ZNF614: variants seen among roughly 807,000 people sequenced by gnomAD.
ZNF614 encodes zinc finger protein 614.
A neutral mutation model predicts 12.8 loss-of-function variants in ZNF614; 11 were observed. That is an observed-to-expected ratio of 0.86 (90% confidence interval 0.54 to 1.43). ZNF614 has a LOEUF of 1.43. ZNF614 is among the 40% of genes most tolerant of loss of function. The pLI is 0.00. For missense variants in ZNF614, 664 were observed against 708.8 expected (o/e 0.94, Z 0.72); for synonymous variants, 237 against 237.5 (o/e 1.00, Z 0.02).
Position 52,016,744 on chromosome 19 carries a change from T to C in ZNF614, c.854A>G (p.Lys285Arg), listed in dbSNP as rs769012763. ...TCCACACTCACTGCACATATAGGATTTCTCTTCTGTATGGGTTTGTTGATG... is the reference window on the plus strand; with the variant it reads ...TCCACACTCACTGCACATATAGGATCTCTCTTCTGTATGGGTTTGTTGATG... ...ITHQQTHTEE[K>R]SYMCSECGKG... The change falls in exon 5 of 5, where the codon AAA (lysine) becomes AGA (arginine). Residue 285 changes from lysine (K) to arginine (R), a missense_variant. Transcript: ENST00000270649. 16 of 1,614,068 alleles carry C rather than the reference T, an allele frequency of 9.9e-6. No individual in the cohort carries two copies. Among genetic ancestry groups the C allele is most frequent in the Middle Eastern group, 1.6e-4 (1 of 6,084 alleles).
intron 2 of ZNF614, among the ~76,000 whole-genome samples, chr19:52,021,747 A>T (rs2086934318): frequency 6.6e-6 from 1 of 152,112 alleles, no homozygotes; most frequent in Non-Finnish European, 1.5e-5. Flanking sequence ...AGAAAAAAAA[A>T]AAAGGAATAA....
rs1223373659 is a variant in ZNF614, at chr19:52,016,012, T to G, written c.1586A>C (p.His529Pro). Residue 529 changes from histidine (H) to proline (P), a missense_variant, in exon 5 of 5, where the codon CAT becomes CCT. Transcript: ENST00000270649. ...AFTTKSVLNV[H>P]QRTHTGERPY... ...CCTCTCTCCTGTATGCGTTCTTTGA[T>G]GTACATTGAGTACTGACTTTGTGGT... 1.2e-6 allele frequency: 2 copies of G among 1,614,126 alleles called. No homozygotes were observed. The highest frequency in any genetic ancestry group is 1.7e-6 in the Non-Finnish European group (2 of 1,180,050).
At chr19:52,019,527 A>G (rs1317117096) in intron 2 of ZNF614, among the ~76,000 whole-genome samples, 1 of 152,236 alleles carries the variant, frequency 6.6e-6, no homozygotes, top group Non-Finnish European at 1.5e-5. Context: ...TGAAACTACC[A>G]TACATCAAAT....
chr19:52,017,284 T>C lies in ZNF614; in HGVS notation c.314A>G (p.Asn105Ser), dbSNP rs767072261. ...AATATTTCTAAGTGTATTCTGTCCA[T>C]TGCATTGCTGCACGCTCTTCAGAAG... ...QRLLKSVQQC[N>S]GQNTLRNIVH... Residue 105 changes from asparagine (N) to serine (S), a missense_variant, in exon 5 of 5, where the codon AAT becomes AGT. Physicochemically the swap from Asn to Ser is conservative, Grantham distance 46. Transcript: ENST00000270649. The C allele has an allele frequency of 2.2e-5, 36 of 1,613,966 alleles. No homozygotes were observed. The highest frequency in any genetic ancestry group is 6.7e-5 in the East Asian group (3 of 44,890).
At chr19:52,017,650 G>A (rs566158774) in intron 4 of ZNF614, 9 of 367,000 alleles carry the variant, frequency 2.5e-5, no homozygotes, top group Admixed American at 8.7e-5. Context: ...GCAGCAAGCC[G>A]AGATTGGGCC....
chr19:52,022,967 C>T (rs1195814010), intron 2 of ZNF614, among the ~76,000 whole-genome samples: 2 of 150,940 alleles, frequency 1.3e-5, no homozygotes, highest in Non-Finnish European at 2.9e-5. Context: ...GTAGTCCCAG[C>T]TACTCAGGAG....
At chr19:52,022,547 TAA>T (rs1262079690) in intron 2 of ZNF614, among the ~76,000 whole-genome samples, 1 of 151,174 alleles carries the variant, frequency 6.6e-6, no homozygotes, top group Non-Finnish European at 1.5e-5. Flanking sequence ...TTTTCGACAT[TAA>T]AGTTTACTTT....
rs1386929873 is a variant in ZNF614, at chr19:52,016,890, T to C, written c.708A>G (p.Gln236=). The C allele has an allele frequency of 3.1e-6, 5 of 1,614,042 alleles. No individual in the cohort carries two copies. Among genetic ancestry groups the C allele is most frequent in the Middle Eastern group, 1.6e-4 (1 of 6,084 alleles). The change falls in exon 5 of 5, where the codon CAA becomes CAG. Residue 236 remains glutamine (Q), a synonymous_variant. Transcript: ENST00000270649. ...ICIQENPGSG[Q]CEKLSRSVLF... is the part of the protein sequence containing the mutation. ...GGACACTTCTGGATAATTTCTCACA[T>C]TGACCACTTCCAGGATTCTCTTGTA...
intron 2 of ZNF614, among the ~76,000 whole-genome samples, chr19:52,021,558 G>A (rs1221733853): frequency 6.6e-6 from 1 of 152,052 alleles, no homozygotes. Context: ...GCAACATAGT[G>A]AGACTCTGTC....
Position 52,017,294 on chromosome 19 carries a change from G to T in ZNF614, c.304C>A (p.Gln102Lys). 1 of 1,613,596 alleles carries T rather than the reference G, an allele frequency of 6.2e-7. No individual in the cohort carries two copies. The highest frequency in any genetic ancestry group is 1.1e-5 in the South Asian group (1 of 91,054). ...AGTGTATTCTGTCCATTGCATTGCTGCACGCTCTTCAGAAGTCTTTGGTTT... is the reference window on the plus strand; with the variant it reads ...AGTGTATTCTGTCCATTGCATTGCTTCACGCTCTTCAGAAGTCTTTGGTTT... ...SPNQRLLKSV[Q>K]QCNGQNTLRN... The change falls in exon 5 of 5, where the codon CAG (glutamine) becomes AAG (lysine). Residue 102 changes from glutamine (Q) to lysine (K), a missense_variant. By Grantham distance (53) the Gln-to-Lys change is moderately conservative. Coordinates refer to ENST00000270649, the MANE Select transcript of ZNF614 (RefSeq NM_025040.4).
Position 52,013,625 on chromosome 19 carries a change from ATTTTAT to A in ZNF614, c.*2209_*2214del, listed in dbSNP as rs892274138. 1.3e-5 allele frequency: 2 copies of A among 152,190 alleles called. No individual in the cohort carries two copies. The highest frequency in any genetic ancestry group is 2.9e-5 in the Non-Finnish European group (2 of 68,052). 9.4% of individuals were successfully genotyped at this position (152,190 alleles called of 1,614,324 possible). A position where few individuals can be genotyped will look rare whatever the true frequency, so the allele number is the denominator to read the frequency against. ...TTTATAAAAACCATTTACAAAAACA[ATTTTAT>A]TTTTATCATATTCATGAAATGATGA... On this transcript the variant is annotated 3_prime_UTR_variant, in exon 5 of 5. Transcript: ENST00000270649.
rs1463136245 is a variant in ZNF614 at position 52,015,724 on chromosome 19, A to G, written c.*116T>C. 2.3e-5 allele frequency: 23 copies of G among 980,132 alleles called. No individual in the cohort carries two copies. In the East Asian group the frequency reaches 5.5e-4, roughly 24 times the overall value. 60.7% of individuals were successfully genotyped at this position (980,132 alleles called of 1,614,324 possible). ...GACAGACACACATCTGTCAACAGGC[A>G]GCACCATGTTTATGTTCCAATTGGC... is the stretch of plus-strand genomic sequence containing the variant. On this transcript the variant is annotated 3_prime_UTR_variant, in exon 5 of 5. Transcript: ENST00000270649.
At chr19:52,023,973 A>C (rs1034464713) in intron 2 of ZNF614, among the ~76,000 whole-genome samples, 4 of 152,192 alleles carry the variant, frequency 2.6e-5, no homozygotes, top group African/African-American at 9.6e-5. Flanking sequence ...TACCACCAAT[A>C]GTTAATGAAT....
chr19:52,018,386 T>A lies in ZNF614; in HGVS notation c.124A>T (p.Asn42Tyr). The A allele has an allele frequency of 6.2e-7, 1 of 1,614,086 alleles. No individual in the cohort carries two copies. Among genetic ancestry groups the A allele is most frequent in the Non-Finnish European group, 8.5e-7 (1 of 1,180,012 alleles). ...LYRDVMVENY[N>Y]HLVSLGYQTS... ...TTCTTACCCAGTGATACTAGGTGGT[T>A]ATAGTTCTCCACCATCACATCCCGG... Residue 42 changes from asparagine to tyrosine, a missense_variant, in exon 3 of 5, where the codon AAC (asparagine) becomes TAC (tyrosine). Physicochemically the swap from Asn to Tyr is moderately radical, Grantham distance 143. Coordinates refer to ENST00000270649, the MANE Select transcript of ZNF614 (RefSeq NM_025040.4).
rs1016847149 is a variant in ZNF614, at chr19:52,015,952, G to A, written c.1646C>T (p.Ser549Phe). 3 of 1,614,194 alleles carry A rather than the reference G, an allele frequency of 1.9e-6. No individual in the cohort carries two copies. The highest frequency in any genetic ancestry group is 2.2e-5 in the East Asian group (1 of 44,888). Residue 549 changes from serine to phenylalanine, a missense_variant, in exon 5 of 5, where the codon TCC becomes TTC. Ser to Phe is a radical substitution (Grantham distance 155, BLOSUM62 -2). Coordinates refer to ENST00000270649, the MANE Select transcript of ZNF614 (RefSeq NM_025040.4). The part of the protein sequence containing the change: ...YGCSDCEKAF[S>F]HLSNLVKHKK... Reference sequence around the variant, plus strand: ...ATGTTTGACAAGGTTTGATAAGTGGGAGAAGGCTTTCTCACAATCACTGCA... The same window carrying A: ...ATGTTTGACAAGGTTTGATAAGTGGAAGAAGGCTTTCTCACAATCACTGCA...
At chr19:52,019,105 G>C (rs915042953) in intron 2 of ZNF614, among the ~76,000 whole-genome samples, 4 of 151,868 alleles carry the variant, frequency 2.6e-5, no homozygotes, top group Non-Finnish European at 4.4e-5. Flanking sequence ...CTCCTGCCTC[G>C]GCCTTCCAAA....
chr19:52,018,417 G>A lies in ZNF614; in HGVS notation c.93C>T (p.Asn31=). 1 of 1,614,080 alleles carries A rather than the reference G, an allele frequency of 6.2e-7. No individual in the cohort carries two copies. The highest frequency in any genetic ancestry group is 8.5e-7 in the Non-Finnish European group (1 of 1,180,006). ...EWQLLDTAQK[N]LYRDVMVENY... The stretch of plus-strand genomic sequence containing the variant: ...TCTCCACCATCACATCCCGGTACAG[G>A]TTCTTCTGAGCAGTGTCCAGGAGCT... The change falls in exon 3 of 5, where the codon AAC becomes AAT. Residue 31 remains asparagine, a synonymous_variant. Transcript: ENST00000270649.
rs766575145 is a variant in ZNF614, at chr19:52,016,270, A to T, written c.1328T>A (p.Ile443Asn). ...TCCTGTATGAGTTCGCTGATGTATA[A>T]TAAGAGTGCGCTTTGTGGTGAAGCC... is the stretch of plus-strand genomic sequence containing the variant. ...GKGFTTKRTL[I>N]IHQRTHTGEK... The change falls in exon 5 of 5, where the codon ATT (isoleucine) becomes AAT (asparagine). Residue 443 changes from isoleucine (I) to asparagine (N), a missense_variant. Coordinates refer to ENST00000270649, the MANE Select transcript of ZNF614 (RefSeq NM_025040.4). 1.9e-6 allele frequency: 3 copies of T among 1,613,890 alleles called. No individual in the cohort carries two copies. Among genetic ancestry groups the T allele is most frequent in the Non-Finnish European group, 1.7e-6 (2 of 1,180,006 alleles).
intron 2 of ZNF614, among the ~76,000 whole-genome samples, chr19:52,020,680 A>G (rs1242735586): frequency 6.6e-6 from 1 of 152,132 alleles, no homozygotes; most frequent in African/African-American, 2.4e-5. Context: ...ACAACTCTCT[A>G]ATCACTTAGT....
Sources: gnomAD v4.1 joint callset for allele counts (sites outside exome capture counted in the v4.1 genomes callset) on GRCh38, gnomAD v4.1.1 for gene constraint, MANE v1.5 for transcripts, NCBI Gene and HGNC (gene_info 2026-07-23, HGNC 2026-07-21) for gene names.